UBR3: variants seen among roughly 807,000 people sequenced by gnomAD.
UBR3 encodes the protein ubiquitin protein ligase E3 component n-recognin 3, also known as E3 ubiquitin-protein ligase UBR3.
A neutral mutation model predicts 243.2 loss-of-function variants in UBR3; 85 were observed. That is an observed-to-expected ratio of 0.35 (90% confidence interval 0.29 to 0.42). The LOEUF (loss-of-function observed/expected upper bound fraction) is 0.42, where lower values mean the gene tolerates loss of function less well. UBR3 is among the 10% of genes least tolerant of loss of function. UBR3 has a pLI of 1.00. For missense variants in UBR3, 1,686 were observed against 2,300.8 expected, an observed-to-expected ratio of 0.73 and a Z score of 5.47; for synonymous variants, 748 against 799.8, an observed-to-expected ratio of 0.94 and a Z score of 1.09.
intron 8 of UBR3, among the ~76,000 whole-genome samples, chr2:169,903,564 T>A (rs1013813834): frequency 6.6e-6 from 1 of 152,192 alleles, no homozygotes; most frequent in African/African-American, 2.4e-5. Flanking sequence ...TGGACCCTGT[T>A]CTTAGATATT....
At chr2:169,972,716 C>G (rs867164817) in intron 24 of UBR3, among the ~76,000 whole-genome samples, 9 of 151,886 alleles carry the variant, frequency 5.9e-5, no homozygotes, top group Non-Finnish European at 8.8e-5. Context: ...ATTCAACAAC[C>G]CTTCATGCTA....
intron 14 of UBR3, 106 bp downstream of exon 14, chr2:169,925,853 C>T: frequency 9.7e-7 from 1 of 1,025,948 alleles, no homozygotes; most frequent in Non-Finnish European, 1.3e-6. Context: ...AGGCCAATGC[C>T]ATTGAAAGAA....
chr2:169,884,299 C>T (rs1229202707), intron 5 of UBR3, among the ~76,000 whole-genome samples: 2 of 151,918 alleles, frequency 1.3e-5, no homozygotes, highest in Non-Finnish European at 2.9e-5. Context: ...ACTACAGGCA[C>T]CCGCCACCAC....
At chr2:169,983,795 A>C (rs1387461129) in intron 24 of UBR3, among the ~76,000 whole-genome samples, 1 of 152,228 alleles carries the variant, frequency 6.6e-6, no homozygotes, top group Non-Finnish European at 1.5e-5. Flanking sequence ...CCAAACAGAT[A>C]AATTAACTAT....
At chr2:169,874,155 G>A (rs561672039) in intron 2 of UBR3, among the ~76,000 whole-genome samples, 1 of 150,402 alleles carries the variant, frequency 6.6e-6, no homozygotes, top group South Asian at 2.1e-4. Context: ...ATTTCTGTCT[G>A]TGCAAAAAAA....
chr2:170,044,803 T>C (rs1192535086), intron 32 of UBR3, among the ~76,000 whole-genome samples: 2 of 152,158 alleles, frequency 1.3e-5, no homozygotes, highest in African/African-American at 4.8e-5. Flanking sequence ...CTGCTAAGAG[T>C]TCTAGCCATC....
intron 22 of UBR3, 22 bp from the exon 23 acceptor site, chr2:169,949,583 T>C (rs1471607448): frequency 1.3e-6 from 2 of 1,487,540 alleles, no homozygotes; most frequent in Non-Finnish European, 1.8e-6. Flanking sequence ...GATTTTTCTT[T>C]GTTTCTCTTT....
rs537355722 is a variant in UBR3, at chr2:169,946,410, T to C, written c.2910+18T>C. The C allele has an allele frequency of 4.3e-4, 608 of 1,407,814 alleles. 1 individual carries two copies. Among genetic ancestry groups the C allele is most frequent in the Non-Finnish European group, 2.3e-4 (239 of 1,052,210 alleles). The allele number at this position is 1,407,814 out of a possible 1,614,324, so 87.2% of individuals were successfully genotyped here. Reference sequence around the variant, plus strand: ...ATGAAGAGGTAAGTAGTTTTTATAATTTAAAATTTTTAGATAGGCAGCCCC... The same window carrying C: ...ATGAAGAGGTAAGTAGTTTTTATAACTTAAAATTTTTAGATAGGCAGCCCC... On this transcript the variant is annotated intron_variant, in intron 21 of 38. Transcript: ENST00000272793.
At chr2:170,005,664 T>A (rs1231356612) in intron 27 of UBR3, among the ~76,000 whole-genome samples, 1 of 152,140 alleles carries the variant, frequency 6.6e-6, no homozygotes, top group East Asian at 1.9e-4. Flanking sequence ...AGGACAAGGA[T>A]GTTGTTATGG....
At chr2:170,010,348 T>G (rs528277706) in intron 29 of UBR3, among the ~76,000 whole-genome samples, 9 of 151,756 alleles carry the variant, frequency 5.9e-5, no homozygotes, top group African/African-American at 1.2e-4. Flanking sequence ...GTTATACATA[T>G]TTATACACAA....
At chr2:170,019,858 C>T (rs2090343510) in intron 30 of UBR3, among the ~76,000 whole-genome samples, 2 of 152,078 alleles carry the variant, frequency 1.3e-5, no homozygotes, top group Non-Finnish European at 2.9e-5. Context: ...TCACTGCAGC[C>T]TCGAACTCCT....
At chr2:169,856,660 G>T (rs556487190) in intron 1 of UBR3, among the ~76,000 whole-genome samples, 1 of 152,160 alleles carries the variant, frequency 6.6e-6, no homozygotes, top group Admixed American at 6.5e-5. Flanking sequence ...GCGAAACCCC[G>T]TCTCCACCAA....
chr2:170,076,950 A>G (rs2091822976), intron 36 of UBR3, among the ~76,000 whole-genome samples: 2 of 152,226 alleles, frequency 1.3e-5, no homozygotes, highest in Admixed American at 6.5e-5. Context: ...AGTCATGGTC[A>G]ATCCCTCCAG....
At chr2:170,025,122 C>G (rs1364443100) in intron 30 of UBR3, among the ~76,000 whole-genome samples, 2 of 152,072 alleles carry the variant, frequency 1.3e-5, no homozygotes, top group African/African-American at 4.8e-5. Flanking sequence ...ATATAATGCT[C>G]AGACTACTTT....
chr2:169,933,038 A>G, intron 19 of UBR3, 30 bp downstream of exon 19: 1 of 1,450,698 alleles, frequency 6.9e-7, no homozygotes, highest in Non-Finnish European at 9.2e-7. Flanking sequence ...TAGCATCATA[A>G]CAGTATTTTA....
intron 20 of UBR3, among the ~76,000 whole-genome samples, chr2:169,945,314 G>T (rs2086746466): frequency 6.6e-6 from 1 of 152,074 alleles, no homozygotes; most frequent in African/African-American, 2.4e-5. Flanking sequence ...GAATGCCTAT[G>T]CTCTTCACCA....
At chr2:170,046,810 C>CT (rs939156559) in intron 32 of UBR3, among the ~76,000 whole-genome samples, 37 of 147,894 alleles carry the variant, frequency 2.5e-4, no homozygotes, top group Non-Finnish European at 3.5e-4. Flanking sequence ...AGAAAAATGA[C>CT]TTTTTTTTTT....
At chr2:170,069,852 G>A (rs970919082) in intron 35 of UBR3, among the ~76,000 whole-genome samples, 3 of 151,944 alleles carry the variant, frequency 2.0e-5, no homozygotes, top group African/African-American at 7.2e-5. Flanking sequence ...AGATGTTCAA[G>A]TCCCTTACAT....
chr2:169,990,689 T>C (rs1227040076), intron 25 of UBR3, among the ~76,000 whole-genome samples: 1 of 148,540 alleles, frequency 6.7e-6, no homozygotes, highest in East Asian at 2.0e-4. Context: ...TTCTAATCCC[T>C]GGGGTAAACA....
Sources: allele counts gnomAD v4.1 joint callset (sites outside exome capture counted in the v4.1 genomes callset), GRCh38; gene constraint gnomAD v4.1.1; transcripts MANE v1.5; gene names NCBI Gene and HGNC (gene_info 2026-07-23, HGNC 2026-07-21).